The following ERC2 variants were observed in gnomAD, a reference collection of about 807,000 sequenced individuals.
ERC2 encodes the protein ELKS/RAB6-interacting/CAST family member 2, also known as ERC protein 2.
In ERC2, 42 loss-of-function variants were observed where a neutral mutation model predicts 114.8. The ratio of observed to expected loss-of-function variants is 0.37; its 90% CI spans 0.29 to 0.47. The LOEUF is 0.47. ERC2 is among the 20% of genes least tolerant of loss of function. ERC2 has a pLI of 0.99. For synonymous variants in ERC2, 454 were observed against 425.5 expected, an observed-to-expected ratio of 1.07 and a Z score of -0.82; for missense variants, 939 against 1,150.7, an observed-to-expected ratio of 0.82 and a Z score of 2.66.
In ERC2 at chr3:56,032,977, GAGAAAGAA is replaced by G. The variant is rs1553782152; in HGVS notation, c.1642-13954_1642-13947del. On this transcript the variant is annotated intron_variant, in intron 7 of 17. Coordinates refer to ENST00000288221, the MANE Select transcript of ERC2 (RefSeq NM_015576.3). ...AAAGAAACAGAAAGAAAGAAAGAAAGAGAAAGAAAGAAAGAAAGAAAGAAAGAAAGAAA... is the reference window on the plus strand; with the variant it reads ...AAAGAAACAGAAAGAAAGAAAGAAAGAGAAAGAAAGAAAGAAAGAAAGAAA... Among the ~76,000 whole-genome samples the G allele has an allele frequency of 4.4e-3, 202 of 45,396 alleles. 1 individual carries two copies. Among genetic ancestry groups the G allele is most frequent in the South Asian group, 0.01 (11 of 1,074 alleles). The allele number at this position is 45,396 out of a possible 152,430, so 29.8% of individuals were successfully genotyped here.
chr3:55,765,656 T>C (rs964300687), intron 14 of ERC2, among the ~76,000 whole-genome samples: 8 of 152,070 alleles, frequency 5.3e-5, no homozygotes, highest in East Asian at 1.9e-4. Flanking sequence ...TTCCCTGAGG[T>C]TGAGGGAGCA....
At chr3:55,694,588 C>T (rs1009497620) in intron 16 of ERC2, among the ~76,000 whole-genome samples, 1 of 152,164 alleles carries the variant, frequency 6.6e-6, no homozygotes, top group African/African-American at 2.4e-5. Flanking sequence ...CTCTCCAACA[C>T]CTATGAGCGA....
intron 6 of ERC2, among the ~76,000 whole-genome samples, chr3:56,132,278 G>A (rs963204340): frequency 6.6e-6 from 1 of 152,134 alleles, no homozygotes; most frequent in Non-Finnish European, 1.5e-5. Context: ...GAGAAGCAAG[G>A]CCATGTAAAA....
intron 12 of ERC2, among the ~76,000 whole-genome samples, chr3:55,971,763 T>C (rs11713587): frequency 0.34 from 52,097 of 151,866 alleles, 9,316 homozygotes; most frequent in African/African-American, 0.43. Flanking sequence ...ACATACATCT[T>C]AATATATTGA....
intron 1 of ERC2, among the ~76,000 whole-genome samples, chr3:56,465,890 T>C (rs2063522831): frequency 6.6e-6 from 1 of 152,256 alleles, no homozygotes; most frequent in African/African-American, 2.4e-5. Flanking sequence ...GCTCTACGTA[T>C]GCTGGGAGAA....
At chr3:56,000,731 G>T (rs2071979931) in intron 10 of ERC2, among the ~76,000 whole-genome samples, 1 of 151,936 alleles carries the variant, frequency 6.6e-6, no homozygotes, top group South Asian at 2.1e-4. Context: ...TAAGATAGTA[G>T]GAACTATTGG....
chr3:55,570,371 C>T (rs1490822410), intron 17 of ERC2, among the ~76,000 whole-genome samples: 2 of 152,078 alleles, frequency 1.3e-5, no homozygotes, highest in Admixed American at 6.6e-5. Flanking sequence ...GTAGGAAGTT[C>T]GGCCAGAAGA....
intron 2 of ERC2, among the ~76,000 whole-genome samples, chr3:56,341,689 C>T (rs114866632): frequency 0.039 from 6,006 of 152,246 alleles, 376 homozygotes; most frequent in African/African-American, 0.13. Context: ...CCAGAAGCCC[C>T]AGTAATCCTG....
At chr3:56,225,077 T>C (rs1394072280) in intron 3 of ERC2, among the ~76,000 whole-genome samples, 2 of 152,128 alleles carry the variant, frequency 1.3e-5, no homozygotes, top group Non-Finnish European at 1.5e-5. Flanking sequence ...GCTCTTCTCA[T>C]ATTCTCCTGC....
chr3:55,729,386 T>A (rs548152096), intron 15 of ERC2, among the ~76,000 whole-genome samples: 1 of 152,288 alleles, frequency 6.6e-6, no homozygotes, highest in African/African-American at 2.4e-5. Flanking sequence ...TCCTTCCCAA[T>A]GACACCCATC....
chr3:55,544,107 T>G (rs567476330), intron 17 of ERC2, among the ~76,000 whole-genome samples: 13 of 152,070 alleles, frequency 8.5e-5, no homozygotes, highest in African/African-American at 2.9e-4. Flanking sequence ...CCGATGGGGA[T>G]GAGAGTGATG....
At chr3:56,152,151 G>T (rs2149960455) in intron 4 of ERC2, among the ~76,000 whole-genome samples, 1 of 152,232 alleles carries the variant, frequency 6.6e-6, no homozygotes, top group South Asian at 2.1e-4. Context: ...AAAGGGGATT[G>T]CAGGGTCAAG....
At chr3:56,379,752 T>C (rs746465213) in intron 2 of ERC2, among the ~76,000 whole-genome samples, 4 of 152,144 alleles carry the variant, frequency 2.6e-5, no homozygotes, top group Admixed American at 6.5e-5. Context: ...GACAGAAATC[T>C]AGGCTTGAGA....
intron 3 of ERC2, among the ~76,000 whole-genome samples, chr3:56,290,471 A>G (rs1238571116): frequency 1.3e-5 from 2 of 152,190 alleles, no homozygotes; most frequent in Admixed American, 1.3e-4. Flanking sequence ...TGTATATAAA[A>G]TGTTATGTTT....
At chr3:55,708,068 A>G (rs1253477744) in intron 15 of ERC2, among the ~76,000 whole-genome samples, 1 of 152,118 alleles carries the variant, frequency 6.6e-6, no homozygotes, top group Non-Finnish European at 1.5e-5. Context: ...GGCTCTGATC[A>G]CCCACTCCAA....
intron 3 of ERC2, among the ~76,000 whole-genome samples, chr3:56,230,066 A>T (rs1445126809): frequency 6.6e-6 from 1 of 151,850 alleles, no homozygotes; most frequent in African/African-American, 2.4e-5. Context: ...GGGTTTCACC[A>T]TATTGGCCAG....
At chr3:55,910,313 A>C (rs1407686283) in intron 13 of ERC2, among the ~76,000 whole-genome samples, 1 of 152,006 alleles carries the variant, frequency 6.6e-6, no homozygotes, top group Non-Finnish European at 1.5e-5. Flanking sequence ...AATCCCTTGG[A>C]CCTGGGAGGT....
chr3:55,903,313 T>A (rs1205815732), intron 13 of ERC2, among the ~76,000 whole-genome samples: 2 of 152,240 alleles, frequency 1.3e-5, no homozygotes, highest in African/African-American at 4.8e-5. Flanking sequence ...TAGTCTCCTA[T>A]AAAGTGATTA....
chr3:56,227,308 G>C (rs1037571935), intron 3 of ERC2, among the ~76,000 whole-genome samples: 3 of 151,964 alleles, frequency 2.0e-5, no homozygotes, highest in Non-Finnish European at 4.4e-5. Context: ...CGGTTCCTGG[G>C]CAGTTTTTCT....
Sources: gnomAD v4.1 joint callset for allele counts (sites outside exome capture counted in the v4.1 genomes callset) on GRCh38, gnomAD v4.1.1 for gene constraint, MANE v1.5 for transcripts, NCBI Gene and HGNC (gene_info 2026-07-23, HGNC 2026-07-21) for gene names.